The following SUMF1 variants were observed in gnomAD, a reference collection of about 807,000 sequenced individuals.
SUMF1 encodes the protein formylglycine-generating enzyme.
In SUMF1, 48 loss-of-function variants were observed where a neutral mutation model predicts 47.6. That is an observed-to-expected ratio of 1.01 (90% CI 0.80 to 1.28). The LOEUF (loss-of-function observed/expected upper bound fraction) is 1.28, where lower values mean the gene tolerates loss of function less well. Ranked by LOEUF, SUMF1 falls within the 50% of genes most tolerant of loss-of-function variation. The pLI is 0.00. For synonymous variants in SUMF1, 230 were observed against 192.1 expected (o/e 1.20, Z -1.63); for missense variants, 571 against 485.4 (o/e 1.18, Z -1.66).
chr3:4,327,919 T>A (rs1484517210), intron 8 of SUMF1, among the ~76,000 whole-genome samples: 3 of 152,168 alleles, frequency 2.0e-5, no homozygotes, highest in Admixed American at 6.5e-5. Context: ...ATTCAAGGAT[T>A]TTAAAAGCAA....
At chr3:4,215,423 C>T (rs187963953) in intron 8 of SUMF1, among the ~76,000 whole-genome samples, 1 of 152,124 alleles carries the variant, frequency 6.6e-6, no homozygotes, top group Non-Finnish European at 1.5e-5. Context: ...TTATGACAAA[C>T]CCACAGCCAA....
rs566241859 is a variant in SUMF1 at position 4,136,376 on chromosome 3, C to T, written c.1015-67631G>A. On this transcript the variant is annotated intron_variant and NMD_transcript_variant, in intron 8 of 12. Transcript: ENST00000448413. The stretch of plus-strand genomic sequence containing the variant: ...AGAAAAACAAGCAATGGGGAAAGGA[C>T]TCCCTATTTAATAAATGGTGCTGGG... Among the ~76,000 whole-genome samples the T allele has an allele frequency of 2.1e-3, 313 of 151,866 alleles. 1 individual carries two copies. Among genetic ancestry groups the T allele is most frequent in the Admixed American group, 6.5e-3 (99 of 15,228 alleles).
chr3:4,343,960 C>A (rs987586801), intron 8 of SUMF1, among the ~76,000 whole-genome samples: 6 of 152,146 alleles, frequency 3.9e-5, no homozygotes, highest in Non-Finnish European at 8.8e-5. Context: ...TTTAAAAAGA[C>A]CTAGACCTTT....
chr3:4,388,721 A>C (rs1458849845), intron 7 of SUMF1, among the ~76,000 whole-genome samples: 1 of 152,080 alleles, frequency 6.6e-6, no homozygotes, highest in Non-Finnish European at 1.5e-5. Context: ...GCTTTTGAGC[A>C]TACCTCTTTG....
chr3:4,418,850 A>G (rs1044511680), intron 4 of SUMF1, among the ~76,000 whole-genome samples: 9 of 152,170 alleles, frequency 5.9e-5, no homozygotes, highest in East Asian at 1.9e-4. Flanking sequence ...GGGGAAAAAA[A>G]ACTGAGAAAA....
intron 8 of SUMF1, among the ~76,000 whole-genome samples, chr3:4,164,139 T>C (rs1694645536): frequency 6.6e-6 from 1 of 152,148 alleles, no homozygotes; most frequent in African/African-American, 2.4e-5. Context: ...CTTTCAGGCA[T>C]AACAAGAAAG....
intron 8 of SUMF1, among the ~76,000 whole-genome samples, chr3:4,265,636 G>A (rs980135541): frequency 1.3e-5 from 2 of 152,076 alleles, no homozygotes; most frequent in East Asian, 1.9e-4. Flanking sequence ...TTAGCCCTTT[G>A]TCAGATGAGT....
intron 8 of SUMF1, among the ~76,000 whole-genome samples, chr3:4,164,715 C>T (rs889909303): frequency 1.3e-5 from 2 of 152,242 alleles, no homozygotes; most frequent in East Asian, 1.9e-4. Flanking sequence ...TATTATAGAA[C>T]ACTGAGGTTG....
intron 8 of SUMF1, among the ~76,000 whole-genome samples, chr3:4,294,613 T>C (rs564047734): frequency 6.6e-6 from 1 of 152,184 alleles, no homozygotes; most frequent in South Asian, 2.1e-4. Context: ...ACAACAAATG[T>C]TAATTTGGTG....
intron 8 of SUMF1, among the ~76,000 whole-genome samples, chr3:4,135,781 A>T (rs1693911397): frequency 6.6e-6 from 1 of 152,204 alleles, no homozygotes; most frequent in East Asian, 1.9e-4. Context: ...GCAACATCTC[A>T]GGATACAAAA....
intron 7 of SUMF1, among the ~76,000 whole-genome samples, chr3:4,378,570 G>A (rs907733574): frequency 5.9e-5 from 9 of 152,276 alleles, no homozygotes; most frequent in East Asian, 1.9e-4. Flanking sequence ...GAAAAGCTAC[G>A]TGTCAAAATA....
At chr3:4,421,583 G>A (rs985436693) in intron 3 of SUMF1, among the ~76,000 whole-genome samples, 3 of 152,148 alleles carry the variant, frequency 2.0e-5, no homozygotes, top group Non-Finnish European at 2.9e-5. Flanking sequence ...CAGCTCAAGT[G>A]ATCCTCCCGC....
chr3:4,068,573 C>T (rs1171878517), exon 9 of SUMF1: 6 of 365,826 alleles, frequency 1.6e-5, no homozygotes, highest in Admixed American at 3.2e-5. Flanking sequence ...ACTTACAGCA[C>T]ATCTCAATTC....
At chr3:4,341,588 G>A (rs1373709827) in intron 8 of SUMF1, among the ~76,000 whole-genome samples, 1 of 151,874 alleles carries the variant, frequency 6.6e-6, no homozygotes, top group Non-Finnish European at 1.5e-5. Flanking sequence ...GACTTACAAG[G>A]CTACATGCAA....
intron 8 of SUMF1, among the ~76,000 whole-genome samples, chr3:4,093,706 A>C (rs1692839085): frequency 6.6e-6 from 1 of 152,158 alleles, no homozygotes. Context: ...ATTAGGAAAA[A>C]ACAGATTTGA....
At position 4,466,992 on chromosome 3, in the gene SUMF1, T is replaced by TGCC. The variant is rs1362011601; in HGVS notation, c.251_253dup (p.Arg84dup). The TGCC allele has an allele frequency of 8.1e-6, 13 of 1,601,982 alleles. No individual in the cohort carries two copies. The highest frequency in any genetic ancestry group is 1.1e-5 in the Non-Finnish European group (13 of 1,176,030). ...ATGGAGCACCTTTGAGTGCGCGAGT[T>TGCC]GCCGCTCTCCGGGTACGGGGCCCGG... On this transcript the variant is annotated inframe_insertion, in exon 1 of 9. Coordinates refer to ENST00000272902, the MANE Select transcript of SUMF1 (RefSeq NM_182760.4).
chr3:4,424,273 T>C lies in SUMF1; in HGVS notation c.520-4127A>G, dbSNP rs149122442. On this transcript the variant is annotated intron_variant, in intron 3 of 8. Transcript: ENST00000272902. ...TACACACACCTACTCACTCACACTTTCTCTCATTCTAGACACCCGCTTTTC... is the reference window on the plus strand; with the variant it reads ...TACACACACCTACTCACTCACACTTCCTCTCATTCTAGACACCCGCTTTTC... Among the ~76,000 whole-genome samples the C allele has an allele frequency of 3.0e-3, 464 of 152,248 alleles. 5 individuals are homozygous for C. The highest frequency in any genetic ancestry group is 0.011 in the African/African-American group (453 of 41,526).
chr3:4,083,786 T>C lies in SUMF1; in HGVS notation c.1015-15041A>G, dbSNP rs139433372. Reference sequence around the variant, plus strand: ...GGGAGAGATAAAACATAAATATTAATCAGATACAAATACAAATACAAATAT... The same window carrying C: ...GGGAGAGATAAAACATAAATATTAACCAGATACAAATACAAATACAAATAT... On this transcript the variant is annotated intron_variant and NMD_transcript_variant, in intron 8 of 12. Coordinates refer to the SUMF1 transcript ENST00000448413. 6.4e-3 allele frequency among the ~76,000 whole-genome samples: 955 copies of C among 148,644 alleles called. 10 individuals carry two copies. The highest frequency in any genetic ancestry group is 0.023 in the African/African-American group (907 of 40,126).
intron 7 of SUMF1, among the ~76,000 whole-genome samples, chr3:4,392,952 C>G (rs1700922794): frequency 6.6e-6 from 1 of 151,990 alleles, no homozygotes; most frequent in Non-Finnish European, 1.5e-5. Context: ...CTTTCATGAA[C>G]CAAGGTGTAT....
Sources: gnomAD v4.1 joint callset for allele counts (sites outside exome capture counted in the v4.1 genomes callset) on GRCh38, gnomAD v4.1.1 for gene constraint, MANE v1.5 for transcripts, NCBI Gene and HGNC (gene_info 2026-07-23, HGNC 2026-07-21) for gene names.